CACNA1C: variants seen among roughly 807,000 people sequenced by gnomAD.
CACNA1C encodes calcium voltage-gated channel subunit alpha1 C, also known as voltage-dependent L-type calcium channel subunit alpha-1C.
A neutral mutation model predicts 229.0 loss-of-function variants in CACNA1C; 30 were observed. That is an observed-to-expected ratio of 0.13 (90% CI 0.10 to 0.18). The LOEUF is 0.18. Among genes scored for constraint, CACNA1C ranks in the 10% least tolerant of loss-of-function variants. The pLI is 1.00. For missense variants in CACNA1C, 1,658 were observed against 2,845.0 expected, an observed-to-expected ratio of 0.58 and a Z score of 9.49; for synonymous variants, 1,114 against 1,132.5, an observed-to-expected ratio of 0.98 and a Z score of 0.33.
At chr12:2,066,699 C>T (rs2059379285) in intron 1 of CACNA1C, among the ~76,000 whole-genome samples, 1 of 151,986 alleles carries the variant, frequency 6.6e-6, no homozygotes, top group Non-Finnish European at 1.5e-5. Flanking sequence ...ATTGGAAATG[C>T]AAGAGAGGGG....
intron 1 of CACNA1C, among the ~76,000 whole-genome samples, chr12:1,984,542 G>A (rs1432435624): frequency 6.6e-6 from 1 of 151,902 alleles, no homozygotes; most frequent in Non-Finnish European, 1.5e-5. Context: ...GTTGTCACAT[G>A]TATCACATCC....
At position 2,346,949 on chromosome 12, in the gene CACNA1C, G is replaced by T. The variant is rs2238070; in HGVS notation, c.478-102027G>T. The stretch of plus-strand genomic sequence containing the variant: ...CCTCTTCTCAGAATGCTAGTCCTTT[G>T]TATAACCCTTTCCACTGGCTGGGGC... On this transcript the variant is annotated intron_variant, in intron 3 of 46. Transcript: ENST00000399655. The surrounding 1 kb of genome is among the most constrained non-coding windows in gnomAD (Gnocchi z 4.4). Among the ~76,000 whole-genome samples the T allele has an allele frequency of 0.44, 67,050 of 152,032 alleles. 16,820 individuals are homozygous for T. The highest frequency in any genetic ancestry group is 0.56 in the Non-Finnish European group (37,872 of 67,960).
chr12:2,136,664 G>T (rs1325720521), intron 3 of CACNA1C, among the ~76,000 whole-genome samples: 2 of 151,108 alleles, frequency 1.3e-5, no homozygotes, highest in African/African-American at 4.8e-5. Flanking sequence ...AGGGGTCCTG[G>T]GGGCATGCCA....
chr12:2,645,088 T>A (rs1016500958), intron 30 of CACNA1C, among the ~76,000 whole-genome samples: 2 of 152,140 alleles, frequency 1.3e-5, no homozygotes, highest in African/African-American at 4.8e-5. Context: ...AATTACCAGA[T>A]CATTAGAAAA....
In CACNA1C at chr12:2,655,828, T is replaced by C. The variant is rs112124697; in HGVS notation, c.4232+590T>C. Reference sequence around the variant, plus strand: ...AATGTAAGACACCATATTAACAGAATGAAGGAAAAAAGACCCACATGATCA... The same window carrying C: ...AATGTAAGACACCATATTAACAGAACGAAGGAAAAAAGACCCACATGATCA... On this transcript the variant is annotated intron_variant, in intron 34 of 46. Transcript: ENST00000399655. Among the ~76,000 whole-genome samples the C allele has an allele frequency of 3.0e-3, 457 of 151,970 alleles. 6 individuals carry two copies. The highest frequency in any genetic ancestry group is 0.011 in the African/African-American group (442 of 41,446).
At chr12:2,460,577 T>A (rs1365370308) in intron 5 of CACNA1C, among the ~76,000 whole-genome samples, 1 of 152,202 alleles carries the variant, frequency 6.6e-6, no homozygotes, top group Non-Finnish European at 1.5e-5. Context: ...GAGCCCTGTC[T>A]CCATCTGCAC....
chr12:2,147,662 A>G (rs918477787), intron 3 of CACNA1C, among the ~76,000 whole-genome samples: 5 of 151,166 alleles, frequency 3.3e-5, no homozygotes, highest in African/African-American at 9.7e-5. Context: ...GAAGAAGTAT[A>G]TATCTGAGGA....
At chr12:2,507,246 C>T (rs1452122010) in intron 8 of CACNA1C, among the ~76,000 whole-genome samples, 3 of 152,188 alleles carry the variant, frequency 2.0e-5, no homozygotes, top group Non-Finnish European at 4.4e-5. Flanking sequence ...ACTGATAGAA[C>T]ATCTGCCAAG....
chr12:2,566,709 G>A lies in CACNA1C; in HGVS notation c.1669+127G>A. 1.3e-6 allele frequency: 1 copy of A among 782,322 alleles called. No homozygotes were observed. The highest frequency in any genetic ancestry group is 2.0e-6 in the Non-Finnish European group (1 of 498,686). The allele number at this position is 782,322 out of a possible 1,614,324, so 48.5% of individuals were successfully genotyped here. A position where few individuals can be genotyped will look rare whatever the true frequency, so the allele number is the denominator to read the frequency against. On this transcript the variant is annotated intron_variant, in intron 12 of 46. Coordinates refer to ENST00000399655, the MANE Select transcript of CACNA1C (RefSeq NM_000719.7). This position sits in a 1 kb window ranked among gnomAD's most constrained non-coding sequence, Gnocchi z 4.0. ...CCAATGGTCGGGGCTCTTGGCAGGT[G>A]CTGTGCTGGAGACACCAAGGGCCTG...
chr12:2,040,488 G>T (rs1284430364), intron 1 of CACNA1C, among the ~76,000 whole-genome samples: 1 of 152,206 alleles, frequency 6.6e-6, no homozygotes, highest in Non-Finnish European at 1.5e-5. Context: ...AAATGTGAGA[G>T]AATTTTGTTA....
intron 1 of CACNA1C, among the ~76,000 whole-genome samples, chr12:2,006,916 A>G (rs2043570667): frequency 2.6e-5 from 4 of 152,246 alleles, no homozygotes; most frequent in Admixed American, 2.6e-4. Flanking sequence ...TTTCATGACC[A>G]ACTAATGGAT....
chr12:2,352,055 C>T (rs1367485377), intron 3 of CACNA1C, among the ~76,000 whole-genome samples: 1 of 152,196 alleles, frequency 6.6e-6, no homozygotes, highest in Non-Finnish European at 1.5e-5. Flanking sequence ...ACCCAAAATG[C>T]AGCACAATCA....
rs774131079 is a variant in CACNA1C at position 2,275,853 on chromosome 12, C to G, written c.477+155423C>G. Among the ~76,000 whole-genome samples, 3 of 150,342 alleles carry G rather than the reference C, an allele frequency of 2.0e-5. No homozygotes were observed. The highest frequency in any genetic ancestry group is 2.9e-5 in the Non-Finnish European group (2 of 67,812). On this transcript the variant is annotated intron_variant, in intron 3 of 46. Coordinates refer to ENST00000399655, the MANE Select transcript of CACNA1C (RefSeq NM_000719.7). This position sits in a 1 kb window ranked among gnomAD's most constrained non-coding sequence, Gnocchi z 4.1. ...GTTCTTTGGTGAAGCTTGTCTGCAG[C>G]GAGCCCTCAAAAAACATGGGTTTTG...
Position 2,601,056 on chromosome 12 carries a change from G to A in CACNA1C, c.2854-798G>A, listed in dbSNP as rs987716086. ...CAGGTCTGGGATTCCAGCCCAGGCCGTCTGGCCTCAGAGCCTGTGCTCTTA... is the reference window on the plus strand; with the variant it reads ...CAGGTCTGGGATTCCAGCCCAGGCCATCTGGCCTCAGAGCCTGTGCTCTTA... On this transcript the variant is annotated intron_variant, in intron 21 of 46. Transcript: ENST00000399655. This position sits in a 1 kb window ranked among gnomAD's most constrained non-coding sequence, Gnocchi z 5.9. 4.6e-5 allele frequency among the ~76,000 whole-genome samples: 7 copies of A among 152,194 alleles called. No individual in the cohort carries two copies. The highest frequency in any genetic ancestry group is 1.0e-4 in the Non-Finnish European group (7 of 68,026).
intron 29 of CACNA1C, among the ~76,000 whole-genome samples, chr12:2,617,758 C>T (rs1056233731): frequency 9.9e-5 from 15 of 152,096 alleles, no homozygotes; most frequent in South Asian, 8.3e-4. Flanking sequence ...GGGCTTGTGT[C>T]GAAAGGCACA....
intron 3 of CACNA1C, among the ~76,000 whole-genome samples, chr12:2,256,497 G>A (rs2077908748): frequency 1.3e-5 from 2 of 152,160 alleles, no homozygotes; most frequent in Admixed American, 1.3e-4. Flanking sequence ...CTAGCTTCAT[G>A]CTGTTTGGAA....
chr12:2,450,841 A>G (rs2099362947), intron 4 of CACNA1C, among the ~76,000 whole-genome samples: 1 of 152,166 alleles, frequency 6.6e-6, no homozygotes, highest in Admixed American at 6.5e-5. Flanking sequence ...CGGAGGAGAC[A>G]CAGCCATTGT....
chr12:2,091,860 G>T (rs1395256290), intron 1 of CACNA1C, among the ~76,000 whole-genome samples: 1 of 152,172 alleles, frequency 6.6e-6, no homozygotes, highest in East Asian at 1.9e-4. Flanking sequence ...AGCATCTAGG[G>T]ATCTGAAGGC....
At chr12:2,509,931 A>G (rs979784690) in intron 8 of CACNA1C, among the ~76,000 whole-genome samples, 3 of 152,200 alleles carry the variant, frequency 2.0e-5, no homozygotes, top group East Asian at 3.8e-4. Context: ...GAGTAGGCGC[A>G]TTTGTAGATG....
Sources: gnomAD v4.1 joint callset for allele counts (sites outside exome capture counted in the v4.1 genomes callset) on GRCh38, gnomAD v4.1.1 for gene constraint, Gnocchi (gnomAD v3.1) non-coding constraint, MANE v1.5 for transcripts, NCBI Gene and HGNC (gene_info 2026-07-23, HGNC 2026-07-21) for gene names.